The following AIG1 variants were observed in gnomAD, a reference collection of about 807,000 sequenced individuals.
AIG1 encodes the protein androgen-induced gene 1 protein.
A neutral mutation model predicts 31.4 loss-of-function variants in AIG1; 23 were observed. The ratio of observed to expected loss-of-function variants is 0.73; its 90% CI spans 0.53 to 1.04. The LOEUF is 1.04. Among genes scored for constraint, AIG1 ranks in the 50% least tolerant of loss-of-function variants. AIG1 has a pLI of 0.00. For missense variants in AIG1, 274 were observed against 295.0 expected (o/e 0.93, Z 0.52); for synonymous variants, 100 against 110.5 (o/e 0.90, Z 0.60).
intron 1 of AIG1, among the ~76,000 whole-genome samples, chr6:143,080,155 G>T (rs563186228): frequency 6.6e-6 from 1 of 152,236 alleles, no homozygotes; most frequent in Admixed American, 6.5e-5. Flanking sequence ...GAAAACCCAA[G>T]TGCTGTTGGG....
At chr6:143,315,172 A>G (rs1775635410) in intron 4 of AIG1, among the ~76,000 whole-genome samples, 1 of 152,080 alleles carries the variant, frequency 6.6e-6, no homozygotes, top group South Asian at 2.1e-4. Context: ...AAATAATAAT[A>G]AAAGGGAGAT....
intron 3 of AIG1, among the ~76,000 whole-genome samples, chr6:143,229,164 G>A (rs535609491): frequency 6.6e-6 from 1 of 152,338 alleles, no homozygotes; most frequent in South Asian, 2.1e-4. Context: ...TCTGTTTCTT[G>A]CAATTTGAAC....
At chr6:143,201,572 C>T (rs186301051) in intron 3 of AIG1, among the ~76,000 whole-genome samples, 7 of 152,268 alleles carry the variant, frequency 4.6e-5, no homozygotes, top group East Asian at 3.9e-4. Context: ...GACTATCCTC[C>T]GTGGGTCCCA....
chr6:143,290,878 C>T (rs1244224991), intron 4 of AIG1, among the ~76,000 whole-genome samples: 2 of 152,284 alleles, frequency 1.3e-5, no homozygotes, highest in East Asian at 3.9e-4. Flanking sequence ...AGCCGAAGGA[C>T]TCTGCTCACT....
rs771067115 is a variant in AIG1, at chr6:143,154,768, C to T, written c.298-10314C>T. ...AGATGATATCGCTGGGGGAAGGATA[C>T]ACAGGAACACTGTGTTATCTTCCAA... On this transcript the variant is annotated intron_variant, in intron 2 of 5. Transcript: ENST00000357847. 5.7e-4 allele frequency among the ~76,000 whole-genome samples: 87 copies of T among 151,588 alleles called. 2 individuals are homozygous for T. In the Middle Eastern group the frequency reaches 0.02, roughly 36 times the overall value.
chr6:143,191,660 G>C (rs899847128), intron 3 of AIG1, among the ~76,000 whole-genome samples: 9 of 151,818 alleles, frequency 5.9e-5, no homozygotes, highest in Admixed American at 2.6e-4. Context: ...AACATGGGAA[G>C]GTATGGGAAA....
intron 3 of AIG1, among the ~76,000 whole-genome samples, chr6:143,229,134 G>A (rs1251515127): frequency 6.6e-6 from 1 of 152,232 alleles, no homozygotes; most frequent in Admixed American, 6.5e-5. Flanking sequence ...TTGGCCTTAA[G>A]GCAGTGTGAA....
chr6:143,201,891 A>G (rs1790725579), intron 3 of AIG1, among the ~76,000 whole-genome samples: 1 of 152,240 alleles, frequency 6.6e-6, no homozygotes, highest in Non-Finnish European at 1.5e-5. Flanking sequence ...CCTGATGAGT[A>G]GAGCCATCCT....
intron 1 of AIG1, among the ~76,000 whole-genome samples, chr6:143,096,090 T>G (rs58798749): frequency 0.11 from 16,475 of 151,798 alleles, 2,816 homozygotes; most frequent in African/African-American, 0.37. Flanking sequence ...GTATTTTTAG[T>G]AGAGACAGGG....
chr6:143,063,557 A>C (rs1776442709), intron 1 of AIG1, among the ~76,000 whole-genome samples: 1 of 152,218 alleles, frequency 6.6e-6, no homozygotes, highest in Admixed American at 6.5e-5. Flanking sequence ...AATGGCATGA[A>C]ATGATTAGGC....
intron 3 of AIG1, among the ~76,000 whole-genome samples, chr6:143,278,329 A>AT (rs1398413411): frequency 1.3e-5 from 2 of 152,228 alleles, no homozygotes; most frequent in African/African-American, 4.8e-5. Context: ...AAGATAATTT[A>AT]TGTAGCACGG....
chr6:143,269,624 G>C (rs554648220), intron 3 of AIG1, among the ~76,000 whole-genome samples: 3 of 152,286 alleles, frequency 2.0e-5, no homozygotes, highest in Admixed American at 6.5e-5. Context: ...TCACACAATG[G>C]AGTACTATGC....
chr6:143,064,156 G>A (rs1277801912), intron 1 of AIG1, among the ~76,000 whole-genome samples: 2 of 152,146 alleles, frequency 1.3e-5, no homozygotes, highest in African/African-American at 4.8e-5. Flanking sequence ...AGGTTACATG[G>A]CAAAGGGAAA....
rs1489954000 is a variant in AIG1 at position 143,279,551 on chromosome 6, G to A, written c.400-4559G>A. ...AATCATGGGTCCTTCCGTGAATCCA[G>A]CCCCACCTCAGGTGTGAGGACTGCT... On this transcript the variant is annotated intron_variant, in intron 3 of 5. Transcript: ENST00000357847. The surrounding 1 kb of genome is among the most constrained non-coding windows in gnomAD (Gnocchi z 5.4). Among the ~76,000 whole-genome samples, 4 of 152,106 alleles carry A rather than the reference G, an allele frequency of 2.6e-5. No individual in the cohort carries two copies. Among genetic ancestry groups the A allele is most frequent in the African/African-American group, 9.7e-5 (4 of 41,426 alleles).
intron 4 of AIG1, among the ~76,000 whole-genome samples, chr6:143,305,094 G>C: frequency 6.6e-6 from 1 of 152,236 alleles, no homozygotes; most frequent in East Asian, 1.9e-4. Context: ...ATTTTTTATT[G>C]TGTCTATCGG....
intron 3 of AIG1, among the ~76,000 whole-genome samples, chr6:143,250,025 A>G (rs1794904425): frequency 6.6e-6 from 1 of 152,196 alleles, no homozygotes; most frequent in Admixed American, 6.5e-5. Flanking sequence ...GAAAAAGGAA[A>G]CTGCATGTGT....
At chr6:143,201,947 C>T (rs1012566181) in intron 3 of AIG1, among the ~76,000 whole-genome samples, 1 of 152,104 alleles carries the variant, frequency 6.6e-6, no homozygotes, top group Non-Finnish European at 1.5e-5. Flanking sequence ...ATCAGAACAA[C>T]GAACTCTGCT....
intron 3 of AIG1, among the ~76,000 whole-genome samples, chr6:143,223,593 C>A (rs1205769703): frequency 6.6e-6 from 1 of 152,126 alleles, no homozygotes; most frequent in Non-Finnish European, 1.5e-5. Context: ...TTCATGCTTA[C>A]GGCAACAGGG....
At chr6:143,128,623 G>A (rs1782909126) in intron 1 of AIG1, among the ~76,000 whole-genome samples, 1 of 152,176 alleles carries the variant, frequency 6.6e-6, no homozygotes, top group Non-Finnish European at 1.5e-5. Context: ...AGGTAATCCT[G>A]CTTAAGATCC....
Sources: allele counts gnomAD v4.1 joint callset (sites outside exome capture counted in the v4.1 genomes callset), GRCh38; gene constraint gnomAD v4.1.1; non-coding constraint Gnocchi (gnomAD v3.1); transcripts MANE v1.5; gene names NCBI Gene and HGNC (gene_info 2026-07-23, HGNC 2026-07-21).